Variants in URB1 observed in about 807,000 individuals in gnomAD.
URB1 encodes nucleolar pre-ribosomal-associated protein 1.
A neutral mutation model predicts 242.3 loss-of-function variants in URB1; 197 were observed. The observed-to-expected ratio is 0.81, with a 90% CI of 0.72 to 0.91. URB1 has a LOEUF of 0.91. Ranked by LOEUF, URB1 falls within the 40% of genes least tolerant of loss-of-function variation. The pLI, the probability that URB1 is intolerant of heterozygous loss-of-function variation, is 0.00. For missense variants in URB1, 2,721 were observed against 2,860.5 expected, an observed-to-expected ratio of 0.95 and a Z score of 1.11; for synonymous variants, 1,153 against 1,201.8, an observed-to-expected ratio of 0.96 and a Z score of 0.84.
At position 32,363,267 on chromosome 21, in the gene URB1, T is replaced by C; in HGVS notation, c.1398A>G (p.Ala466=). ...LSLISVILKR[A]LKTVDHCLNK... is the part of the protein sequence containing the mutation. ...TCAGGCAGTGGTCAACAGTTTTTAATGCCCTCTTCAAAATGACAGAAATAA... is the reference window on the plus strand; with the variant it reads ...TCAGGCAGTGGTCAACAGTTTTTAACGCCCTCTTCAAAATGACAGAAATAA... Residue 466 remains alanine, a synonymous_variant, in exon 11 of 39, where the codon GCA becomes GCG. Coordinates refer to ENST00000382751, the MANE Select transcript of URB1 (RefSeq NM_014825.3). 1 of 1,551,892 alleles carries C rather than the reference T, an allele frequency of 6.4e-7. No homozygotes were observed. The highest frequency in any genetic ancestry group is 8.7e-7 in the Non-Finnish European group (1 of 1,147,048).
At chr21:32,320,334 G>C (rs1343005413) in intron 35 of URB1, among the ~76,000 whole-genome samples, 197 bp downstream of exon 35, 37 of 152,222 alleles carry the variant, frequency 2.4e-4, no homozygotes, top group Non-Finnish European at 2.9e-5. Context: ...AGGAAAGGCT[G>C]TGAATGGAGG....
At chr21:32,345,829 C>T (rs2033080683) in intron 22 of URB1, among the ~76,000 whole-genome samples, 1 of 152,150 alleles carries the variant, frequency 6.6e-6, no homozygotes, top group South Asian at 2.1e-4. Context: ...GGGGCCCTGG[C>T]TATAGACGCT....
chr21:32,335,662 CCA>C (rs1372314991), intron 28 of URB1: 1 of 152,540 alleles, frequency 6.6e-6, no homozygotes, highest in South Asian at 2.1e-4. Flanking sequence ...GCTGTTCACC[CCA>C]GTTTCTGGCA....
At chr21:32,370,708 G>A (rs2033396978) in intron 8 of URB1, among the ~76,000 whole-genome samples, 1 of 152,204 alleles carries the variant, frequency 6.6e-6, no homozygotes, top group Non-Finnish European at 1.5e-5. Flanking sequence ...TGGCAAAGTA[G>A]GGCCCAGCAC....
intron 6 of URB1, 120 bp from the exon 7 acceptor site, chr21:32,373,892 G>A: frequency 3.7e-6 from 4 of 1,073,976 alleles, no homozygotes; most frequent in Non-Finnish European, 3.8e-6. Flanking sequence ...GCTTGCTAGT[G>A]GCAGAAAATT....
Position 32,333,373 on chromosome 21 carries a change from T to G in URB1, c.4904A>C (p.Asp1635Ala). The G allele has an allele frequency of 6.4e-7, 1 of 1,551,674 alleles. No homozygotes were observed. The highest frequency in any genetic ancestry group is 8.7e-7 in the Non-Finnish European group (1 of 1,146,990). ...IFKDKSRVDL[D>A]GLYDPCFLLQ... ...GAGAAAGCAGGGGTCATAGAGGCCA[T>G]CAAGATCCACCCTGCTTTTGTCTTT... The change falls in exon 30 of 39, where the codon GAT becomes GCT. Residue 1635 changes from aspartate (D) to alanine (A), a missense_variant. Coordinates refer to ENST00000382751, the MANE Select transcript of URB1 (RefSeq NM_014825.3).
At chr21:32,317,091 A>C in intron 37 of URB1, 26 bp from the exon 38 acceptor site, 1 of 1,500,270 alleles carries the variant, frequency 6.7e-7, no homozygotes, top group Non-Finnish European at 8.9e-7. Context: ...AGAGAAGGTA[A>C]TGAGACTGGG....
intron 20 of URB1, among the ~76,000 whole-genome samples, chr21:32,350,111 G>A (rs556299371): frequency 5.3e-4 from 66 of 124,558 alleles, no homozygotes; most frequent in South Asian, 8.9e-4. Flanking sequence ...CAACAAGAGC[G>A]AAACTCTGTC....
chr21:32,317,943 T>G (rs1438829156), intron 36 of URB1, 26 bp from the exon 37 acceptor site: 1 of 1,550,346 alleles, frequency 6.5e-7, no homozygotes, highest in African/African-American at 1.4e-5. Context: ...TGTTACAGAC[T>G]GAGCAAAGGC....
chr21:32,343,299 G>A (rs370229853), intron 24 of URB1, among the ~76,000 whole-genome samples: 9 of 152,088 alleles, frequency 5.9e-5, no homozygotes, highest in African/African-American at 2.2e-4. Flanking sequence ...TGGTAGAGGA[G>A]AGTGGACATC....
chr21:32,371,799 T>C (rs1156562052), intron 8 of URB1, among the ~76,000 whole-genome samples: 1 of 150,356 alleles, frequency 6.7e-6, no homozygotes, highest in African/African-American at 2.5e-5. Context: ...GGATGAACAG[T>C]AGTAAGCCAT....
At chr21:32,336,131 G>T (rs1601129554) in intron 28 of URB1, among the ~76,000 whole-genome samples, 2 of 152,196 alleles carry the variant, frequency 1.3e-5, no homozygotes, top group Non-Finnish European at 2.9e-5. Flanking sequence ...AAAGAGCGAG[G>T]CTGCCGCAGG....
intron 30 of URB1, among the ~76,000 whole-genome samples, chr21:32,327,020 GA>G (rs1198003672): frequency 6.6e-6 from 1 of 151,910 alleles, no homozygotes; most frequent in Non-Finnish European, 1.5e-5. Flanking sequence ...GGGGGTCCCT[GA>G]AAAAAATCCG....
chr21:32,347,190 G>C lies in URB1; in HGVS notation c.3634C>G (p.Pro1212Ala), dbSNP rs561956032. The change falls in exon 22 of 39, where the codon CCC (proline) becomes GCC (alanine). Residue 1212 changes from proline (P) to alanine (A), a missense_variant. Pro to Ala is a conservative substitution (Grantham distance 27). Coordinates refer to ENST00000382751, the MANE Select transcript of URB1 (RefSeq NM_014825.3). ...TCAAGCAGATCAGCCCCGACTGCGG[G>C]GGCCAGCACAGGGTCTCTCTGCAGA... ...HTLQRDPVLA[P>A]AVGADLLDYC... 3.2e-6 allele frequency: 5 copies of C among 1,549,702 alleles called. No individual in the cohort carries two copies. In the Admixed American group the frequency reaches 9.8e-5, roughly 30 times the overall value.
intron 15 of URB1, 31 bp downstream of exon 15, chr21:32,357,506 T>C: frequency 1.1e-5 from 16 of 1,472,690 alleles, no homozygotes; most frequent in Non-Finnish European, 1.4e-5. Flanking sequence ...AAAATGCTTT[T>C]CAGAGTTAGA....
chr21:32,314,947 C>T lies in URB1; in HGVS notation c.6787G>A (p.Asp2263Asn), dbSNP rs1047421371. 11 of 1,551,560 alleles carry T rather than the reference C, an allele frequency of 7.1e-6. No homozygotes were observed. The highest frequency in any genetic ancestry group is 9.6e-6 in the Non-Finnish European group (11 of 1,146,962). ...EEEAIVVLCK[D>N]AASAASDA ...GCATCTGAGGCTGCGCTGGCGGCGT[C>T]CTTGCAGAGCACCACGATGGCCTCC... is the stretch of plus-strand genomic sequence containing the variant. The change falls in exon 39 of 39, where the codon GAC (aspartate) becomes AAC (asparagine). Residue 2263 changes from aspartate to asparagine, a missense_variant. Physicochemically the swap from Asp to Asn is conservative, Grantham distance 23. Transcript: ENST00000382751.
In URB1 at chr21:32,345,307, C is replaced by T. The variant is rs575973640; in HGVS notation, c.4070+67G>A. 3.9e-5 allele frequency: 59 copies of T among 1,494,510 alleles called. No individual in the cohort carries two copies. The East Asian group carries it at 8.9e-4, about 23-fold the overall frequency. The allele number at this position is 1,494,510 out of a possible 1,614,324, so 92.6% of individuals were successfully genotyped here. On this transcript the variant is annotated intron_variant, in intron 23 of 38. Coordinates refer to ENST00000382751, the MANE Select transcript of URB1 (RefSeq NM_014825.3). ...AATGCAGCAGTTTTTCAATGACTTACTCTATGAATTAAAAAAAAAATGACA... is the reference window on the plus strand; with the variant it reads ...AATGCAGCAGTTTTTCAATGACTTATTCTATGAATTAAAAAAAAAATGACA...
Position 32,315,212 on chromosome 21 carries a change from A to T in URB1, c.6635-113T>A, listed in dbSNP as rs2032663536. On this transcript the variant is annotated intron_variant, in intron 38 of 38. Transcript: ENST00000382751. ...CAAGTGCCCAAATGAACCGTGCCACAGGCCTGGGCAACCCAAGGTGAGCAC... is the reference window on the plus strand; with the variant it reads ...CAAGTGCCCAAATGAACCGTGCCACTGGCCTGGGCAACCCAAGGTGAGCAC... 5 of 1,132,346 alleles carry T rather than the reference A, an allele frequency of 4.4e-6. 1 individual carries two copies. In the Admixed American group the frequency reaches 1.4e-4, roughly 31 times the overall value. The allele number at this position is 1,132,346 out of a possible 1,614,324, so 70.1% of individuals were successfully genotyped here. A position where few individuals can be genotyped will look rare whatever the true frequency, so the allele number is the denominator to read the frequency against.
rs1333251821 is a variant in URB1 at position 32,320,515 on chromosome 21, T to C, written c.5594+16A>G. The C allele has an allele frequency of 4.6e-6, 7 of 1,527,078 alleles. No individual in the cohort carries two copies. In the African/African-American group the frequency reaches 8.3e-5, roughly 18 times the overall value. The allele number at this position is 1,527,078 out of a possible 1,614,324, so 94.6% of individuals were successfully genotyped here. ...CTTCCCACCTGACGCGCACCTCGCA[T>C]GCAAAAGGTACTTACTTGCTTTCAA... On this transcript the variant is annotated intron_variant, in intron 35 of 38. Transcript: ENST00000382751.
Sources: allele counts gnomAD v4.1 joint callset (sites outside exome capture counted in the v4.1 genomes callset), GRCh38; gene constraint gnomAD v4.1.1; transcripts MANE v1.5; gene names NCBI Gene and HGNC (gene_info 2026-07-23, HGNC 2026-07-21).